Variants in GPS1 observed in about 807,000 individuals in gnomAD.
GPS1 encodes G protein pathway suppressor 1, also known as COP9 signalosome complex subunit 1.
Under a neutral mutation model 60.0 loss-of-function variants are expected in GPS1, and 11 were observed. The observed-to-expected ratio is 0.18, with a 90% CI of 0.12 to 0.30. The LOEUF (loss-of-function observed/expected upper bound fraction) is 0.30, where lower values mean the gene tolerates loss of function less well. Ranked by LOEUF, GPS1 falls within the 10% of genes least tolerant of loss-of-function variation. GPS1 has a pLI of 1.00. For missense variants in GPS1, 543 were observed against 669.2 expected (o/e 0.81, Z 2.08); for synonymous variants, 343 against 269.8 (o/e 1.27, Z -2.66).
rs771415364 is a variant in GPS1 at position 82,057,284 on chromosome 17, C to T, written c.*157C>T. ...CCCTCCCTGGGGCTGAGGAGGCAGG[C>T]GGCTGCTAGTTGTGGCCCTTCCTGG... On this transcript the variant is annotated 3_prime_UTR_variant, in exon 13 of 13. Transcript: ENST00000578552. 16 of 972,460 alleles carry T rather than the reference C, an allele frequency of 1.6e-5. No homozygotes were observed. Among genetic ancestry groups the T allele is most frequent in the South Asian group, 9.6e-5 (7 of 72,664 alleles). 60.2% of individuals were successfully genotyped at this position (972,460 alleles called of 1,614,324 possible).
At chr17:82,050,956 C>T, upstream of GPS1, 7 of 1,422,652 alleles carry the variant, frequency 4.9e-6, no homozygotes, top group Non-Finnish European at 6.4e-6. Flanking sequence ...CTGAAGCAGG[C>T]GGCCATCGGT....
At chr17:82,052,585 G>A in intron 1 of GPS1, 1 of 1,202,514 alleles carries the variant, frequency 8.3e-7, no homozygotes, top group Non-Finnish European at 1.1e-6. Context: ...GCGCAGGAGG[G>A]GAGGGAGCCC....
Position 82,057,034 on chromosome 17 carries a change from C to T in GPS1, c.1390-19C>T, listed in dbSNP as rs1242160482. On this transcript the variant is annotated intron_variant, in intron 12 of 12. Transcript: ENST00000578552. ...TGTGGGGCCTGGTGGCTGTGAGCTGCTCCTTGTCTCCCCTGCAGTCCCCGC... is the reference window on the plus strand; with the variant it reads ...TGTGGGGCCTGGTGGCTGTGAGCTGTTCCTTGTCTCCCCTGCAGTCCCCGC... 6.2e-7 allele frequency: 1 copy of T among 1,607,396 alleles called. No homozygotes were observed. Among genetic ancestry groups the T allele is most frequent in the South Asian group, 1.1e-5 (1 of 90,444 alleles).
At chr17:82,054,140 C>A in intron 3 of GPS1, 91 bp downstream of exon 3, 1 of 1,393,428 alleles carries the variant, frequency 7.2e-7, no homozygotes, top group Non-Finnish European at 9.6e-7. Flanking sequence ...CCTGCATCTC[C>A]CACCCCTGTG....
intron 1 of GPS1, chr17:82,052,197 C>T: frequency 5.4e-6 from 8 of 1,473,828 alleles, no homozygotes; most frequent in Non-Finnish European, 7.4e-6. Flanking sequence ...CCTCCCCTCC[C>T]AGCAGCTCAC....
chr17:82,052,393 C>T (rs140262257), intron 1 of GPS1: 2 of 1,612,126 alleles, frequency 1.2e-6, no homozygotes, highest in South Asian at 1.1e-5. Context: ...CAGACCTCGT[C>T]CTGCCCGGCA....
Position 82,055,763 on chromosome 17 carries a change from A to G in GPS1, c.772A>G (p.Lys258Glu). The change falls in exon 7 of 13, where the codon AAG becomes GAG. Residue 258 changes from lysine (K) to glutamate (E), a missense_variant. By Grantham distance (56) the Lys-to-Glu change is moderately conservative (BLOSUM62 1). Transcript: ENST00000578552. ...AAGLAELAAR[K>E]YKQAAKCLLL... ...AGGCTTGGCAGAGCTGGCCGCCAGG[A>G]AGTACAAGCAGGCTGCCAAGTGCCT... The G allele has an allele frequency of 6.4e-7, 1 of 1,552,084 alleles. No individual in the cohort carries two copies. Among genetic ancestry groups the G allele is most frequent in the South Asian group, 1.2e-5 (1 of 84,850 alleles).
At chr17:82,055,512 G>A in intron 6 of GPS1, 2 of 607,362 alleles carry the variant, frequency 3.3e-6, no homozygotes, top group East Asian at 5.5e-5. Flanking sequence ...AGCACCTAGG[G>A]CTTCCCTGCA....
intron 2 of GPS1, 132 bp downstream of exon 2, chr17:82,053,498 G>A (rs994007398): frequency 1.1e-5 from 7 of 640,998 alleles, no homozygotes; most frequent in South Asian, 3.3e-5. Context: ...TTCTGACCCC[G>A]AAACCATCAG....
chr17:82,056,328 C>T lies in GPS1; in HGVS notation c.972C>T (p.Asp324=). 1 of 1,613,292 alleles carries T rather than the reference C, an allele frequency of 6.2e-7. No individual in the cohort carries two copies. Among genetic ancestry groups the T allele is most frequent in the East Asian group, 2.2e-5 (1 of 44,888 alleles). Residue 324 remains aspartate, a synonymous_variant, in exon 9 of 13, where the codon GAC becomes GAT. Coordinates refer to ENST00000578552, the MANE Select transcript of GPS1 (RefSeq NM_001321092.3). ...LFLELEPQVR[D]IIFKFYESKY... is the part of the protein sequence containing the mutation. ...TGGAGCTGGAGCCACAGGTCCGAGA[C>T]ATCATCTTCAAATTCTACGAGTCCA...
In GPS1 at chr17:82,056,077, G is replaced by A. The variant is rs1371357099; in HGVS notation, c.911G>A (p.Arg304His). The change falls in exon 8 of 13, where the codon CGC (arginine) becomes CAC (histidine). Residue 304 changes from arginine (R) to histidine (H), a missense_variant. By Grantham distance (29) the Arg-to-His change is conservative. Transcript: ENST00000578552. ...ACCTTTGACCGGCAGGAGCTGCAGC[G>A]CAATGTCATCTCCAGCAGGTAGGTG... ...LATFDRQELQ[R>H]NVISSSSFKL... 3.1e-6 allele frequency: 5 copies of A among 1,611,926 alleles called. No individual in the cohort carries two copies. Among genetic ancestry groups the A allele is most frequent in the Non-Finnish European group, 4.2e-6 (5 of 1,179,484 alleles).
chr17:82,056,791 G>A, intron 11 of GPS1, 25 bp downstream of exon 11: 2 of 1,604,968 alleles, frequency 1.2e-6, no homozygotes, highest in Non-Finnish European at 1.7e-6. Flanking sequence ...CGGGGCGGTG[G>A]GGGCAGCTGG....
chr17:82,056,969 G>A lies in GPS1; in HGVS notation c.1384G>A (p.Val462Ile). The A allele has an allele frequency of 6.2e-7, 1 of 1,612,872 alleles. No homozygotes were observed. Among genetic ancestry groups the A allele is most frequent in the Non-Finnish European group, 8.5e-7 (1 of 1,179,928 alleles). Reference protein sequence around the residue: ...RAAVLRNQIHVKSPPREGSQG... With the variant: ...RAAVLRNQIHIKSPPREGSQG... The stretch of plus-strand genomic sequence containing the variant: ...AGCTGTGCTCCGCAACCAGATCCAT[G>A]TCAAGGTGGGCTGGCTTGAGGGGGG... Residue 462 changes from valine to isoleucine, a missense_variant, in exon 12 of 13, where the codon GTC becomes ATC. Around this residue, in one of 3 missense-constraint regions of GPS1, gnomAD observed 291 missense variants for 353.7 expected, o/e 0.82. Coordinates refer to ENST00000578552, the MANE Select transcript of GPS1 (RefSeq NM_001321092.3).
chr17:82,052,698 C>G (rs2031181048), intron 1 of GPS1: 1 of 557,364 alleles, frequency 1.8e-6, no homozygotes, highest in Admixed American at 3.1e-5. Context: ...GGCGGCTTTT[C>G]CAGCCTGCTT....
Position 82,055,191 on chromosome 17 carries a change from G to C in GPS1, c.717G>C (p.Gln239His), listed in dbSNP as rs574840143. The change falls in exon 6 of 13, where the codon CAG becomes CAC. Residue 239 changes from glutamine to histidine, a missense_variant. Gln to His is a conservative substitution (Grantham distance 24, BLOSUM62 0). Transcript: ENST00000578552. Reference protein sequence around the residue: ...EQRGERDSQTQAILTKLKCAA... With the variant: ...EQRGERDSQTHAILTKLKCAA... Reference sequence around the variant, plus strand: ...GAGGAGAGCGTGACAGCCAGACCCAGGCCATCCTCACCAAGCTCAAGTGTG... The same window carrying C: ...GAGGAGAGCGTGACAGCCAGACCCACGCCATCCTCACCAAGCTCAAGTGTG... 6.4e-7 allele frequency: 1 copy of C among 1,560,590 alleles called. No homozygotes were observed. Among genetic ancestry groups the C allele is most frequent in the East Asian group, 2.4e-5 (1 of 41,436 alleles).
intron 8 of GPS1, 62 bp downstream of exon 8, chr17:82,056,157 C>T (rs2032676566): frequency 1.1e-5 from 16 of 1,460,124 alleles, no homozygotes; most frequent in Middle Eastern, 1.9e-4. Flanking sequence ...GCTGCTGCTT[C>T]GGCCTTGCAT....
chr17:82,053,820 G>A, intron 2 of GPS1, 48 bp from the exon 3 acceptor site: 1 of 1,560,208 alleles, frequency 6.4e-7, no homozygotes, highest in Non-Finnish European at 8.7e-7. Flanking sequence ...CCTGGGGCCA[G>A]GGTCCTGCCT....
At chr17:82,052,950 G>A (rs1322599924) in intron 1 of GPS1, 2 of 263,900 alleles carry the variant, frequency 7.6e-6, no homozygotes, top group Non-Finnish European at 1.4e-5. Flanking sequence ...GAACGTGTAG[G>A]GGCCCTCAGA....
chr17:82,053,844 ACT>A, intron 2 of GPS1, 22 bp from the exon 3 acceptor site: 1 of 1,592,648 alleles, frequency 6.3e-7, no homozygotes, highest in South Asian at 1.1e-5. Context: ...ATCCTGCCTG[ACT>A]CTTGTCTGTG....
Sources: gnomAD v4.1 joint callset for allele counts on GRCh38, gnomAD v4.1.1 for gene constraint, gnomAD v4.1.1 regional missense constraint, MANE v1.5 for transcripts, NCBI Gene and HGNC (gene_info 2026-07-23, HGNC 2026-07-21) for gene names.